MAF: variants seen among roughly 807,000 people sequenced by gnomAD.
The protein encoded by MAF is MAF bZIP transcription factor, also known as transcription factor Maf.
MAF carries 10 observed loss-of-function variants against 22.0 expected under a neutral mutation model. The ratio of observed to expected loss-of-function variants is 0.45; its 90% CI spans 0.28 to 0.77. The LOEUF is 0.77. Ranked by LOEUF, MAF falls within the 30% of genes least tolerant of loss-of-function variation. The pLI is 0.12. For synonymous variants in MAF, 337 were observed against 255.8 expected (o/e 1.32, Z -3.03); for missense variants, 544 against 548.4 (o/e 0.99, Z 0.08).
chr16:79,338,298 C>G, the MAF span, among the ~76,000 whole-genome samples: 3 of 152,174 alleles, frequency 2.0e-5, no homozygotes, highest in East Asian at 5.8e-4. Flanking sequence ...GGCTAAATCA[C>G]AGATGACTTT....
chr16:79,600,142 G>A lies in MAF; in HGVS notation c.-240C>T. The A allele has an allele frequency of 4.3e-6, 2 of 462,924 alleles. No individual in the cohort carries two copies. The highest frequency in any genetic ancestry group is 6.2e-5 in the South Asian group (2 of 32,296). The allele number at this position is 462,924 out of a possible 1,614,324, so 28.7% of individuals were successfully genotyped here. A position where few individuals can be genotyped will look rare whatever the true frequency, so the allele number is the denominator to read the frequency against. On this transcript the variant is annotated 5_prime_UTR_variant, in exon 1 of 2. Coordinates refer to ENST00000326043, the MANE Select transcript of MAF (RefSeq NM_005360.5). The stretch of plus-strand genomic sequence containing the variant: ...CCTGCTCACGCCAATGTGCTCCCTC[G>A]CTCGCCCCGGCCCCTCCTTGCTCGC...
the MAF span, among the ~76,000 whole-genome samples, chr16:79,495,191 G>T: frequency 6.6e-6 from 1 of 152,182 alleles, no homozygotes; most frequent in African/African-American, 2.4e-5. Context: ...GCCAAACTCG[G>T]TGGCTCATGC....
At chr16:79,507,350 T>C in the MAF span, among the ~76,000 whole-genome samples, 1 of 151,844 alleles carries the variant, frequency 6.6e-6, no homozygotes, top group Admixed American at 6.6e-5. Flanking sequence ...TCTCCTGACA[T>C]TGTGATCCGC....
chr16:79,212,900 T>C, the MAF span: 4 of 124,660 alleles, frequency 3.2e-5, no homozygotes, highest in Admixed American at 7.7e-5. Flanking sequence ...CCAGCATATT[T>C]TCTGTTAAAG....
the MAF span, among the ~76,000 whole-genome samples, chr16:79,422,356 T>G: frequency 6.6e-6 from 1 of 152,180 alleles, no homozygotes; most frequent in African/African-American, 2.4e-5. Flanking sequence ...CTGTTTTTAT[T>G]AGTGCTCCAA....
chr16:79,555,482 G>A, the MAF span, among the ~76,000 whole-genome samples: 4 of 152,134 alleles, frequency 2.6e-5, no homozygotes, highest in South Asian at 2.1e-4. Context: ...TTTCTGTAGC[G>A]TAAATGCCTT....
At chr16:79,351,342 G>C in the MAF span, among the ~76,000 whole-genome samples, 7 of 152,090 alleles carry the variant, frequency 4.6e-5, no homozygotes, top group African/African-American at 1.7e-4. Context: ...TCCTGCTTTG[G>C]TGTTTGCAGA....
At chr16:79,288,007 C>T in the MAF span, among the ~76,000 whole-genome samples, 1 of 152,210 alleles carries the variant, frequency 6.6e-6, no homozygotes, top group East Asian at 1.9e-4. Context: ...CTTTATTTAA[C>T]AAAACTACTC....
At chr16:79,507,019 ATATC>A in the MAF span, among the ~76,000 whole-genome samples, 1 of 152,158 alleles carries the variant, frequency 6.6e-6, no homozygotes, top group Non-Finnish European at 1.5e-5. Context: ...ATCTAGAATA[ATATC>A]TATCTTTCTT....
chr16:79,518,432 C>G, the MAF span, among the ~76,000 whole-genome samples: 53 of 152,310 alleles, frequency 3.5e-4, no homozygotes, highest in East Asian at 8.7e-3. Context: ...TTGTAGAACT[C>G]TCATGGGGAA....
the MAF span, among the ~76,000 whole-genome samples, chr16:79,290,078 C>G: frequency 2.0e-5 from 3 of 151,986 alleles, no homozygotes; most frequent in East Asian, 5.8e-4. Flanking sequence ...GCACTGGTCT[C>G]TATCTCTTGA....
the MAF span, among the ~76,000 whole-genome samples, chr16:79,489,636 C>G: frequency 4.2e-3 from 632 of 152,252 alleles, 2 homozygotes; most frequent in African/African-American, 0.014. Context: ...AGAGGAGATC[C>G]AGAGAGAAAA....
the MAF span, among the ~76,000 whole-genome samples, chr16:79,431,238 G>A: frequency 6.6e-6 from 1 of 152,136 alleles, no homozygotes; most frequent in Non-Finnish European, 1.5e-5. Context: ...ACCTAGTAAA[G>A]GAAGGCAGCG....
At chr16:79,314,967 A>G in the MAF span, among the ~76,000 whole-genome samples, 1 of 152,182 alleles carries the variant, frequency 6.6e-6, no homozygotes, top group Non-Finnish European at 1.5e-5. Flanking sequence ...TTATTTCTCC[A>G]TTGTTCCTCT....
the MAF span, among the ~76,000 whole-genome samples, chr16:79,543,094 G>C: frequency 1.3e-5 from 2 of 152,190 alleles, no homozygotes; most frequent in Non-Finnish European, 2.9e-5. Flanking sequence ...ACATCATTTT[G>C]AGTTTTGCAT....
the MAF span, among the ~76,000 whole-genome samples, chr16:79,276,260 T>G: frequency 1.3e-5 from 2 of 152,180 alleles, no homozygotes; most frequent in Non-Finnish European, 2.9e-5. Flanking sequence ...TTGAGGCTTT[T>G]TATGTAGCAG....
the MAF span, among the ~76,000 whole-genome samples, chr16:79,452,093 C>G: frequency 2.6e-5 from 4 of 152,164 alleles, no homozygotes; most frequent in African/African-American, 9.7e-5. Context: ...TCTCTGATTG[C>G]TTTTGTGCTA....
At chr16:79,307,952 T>C in the MAF span, among the ~76,000 whole-genome samples, 1 of 152,220 alleles carries the variant, frequency 6.6e-6, no homozygotes. Context: ...GTCATAAATA[T>C]TGGATTGGAA....
the MAF span, among the ~76,000 whole-genome samples, chr16:79,555,218 T>C: frequency 6.6e-6 from 1 of 152,208 alleles, no homozygotes; most frequent in Non-Finnish European, 1.5e-5. Context: ...CTCTGTGCCC[T>C]AACTCATGCT....
Sources: gnomAD v4.1 joint callset for allele counts (sites outside exome capture counted in the v4.1 genomes callset) on GRCh38, gnomAD v4.1.1 for gene constraint, MANE v1.5 for transcripts, NCBI Gene and HGNC (gene_info 2026-07-23, HGNC 2026-07-21) for gene names.